Variants in RAP1A observed in about 807,000 individuals in gnomAD.
RAP1A encodes ras-related protein Rap-1A.
In RAP1A, 6 loss-of-function variants were observed where a neutral mutation model predicts 26.4. The observed-to-expected ratio is 0.23, with a 90% confidence interval of 0.12 to 0.45. RAP1A has a LOEUF of 0.45. Among genes scored for constraint, RAP1A ranks in the 20% least tolerant of loss-of-function variants. RAP1A has a pLI of 0.99. For missense variants in RAP1A, 121 were observed against 217.2 expected (o/e 0.56, Z 2.78); for synonymous variants, 73 against 79.4 (o/e 0.92, Z 0.43).
chr1:111,595,534 A>G (rs952753424), intron 1 of RAP1A, among the ~76,000 whole-genome samples: 13 of 152,244 alleles, frequency 8.5e-5, no homozygotes, highest in Admixed American at 2.6e-4. Context: ...GGGATAACAC[A>G]TGGCAAAGCT....
In RAP1A at chr1:111,588,029, T is replaced by C. The variant is rs1363593169; in HGVS notation, c.-28+45520T>C. Among the ~76,000 whole-genome samples, 7 of 152,190 alleles carry C rather than the reference T, an allele frequency of 4.6e-5. No individual in the cohort carries two copies. In the East Asian group the frequency reaches 1.2e-3, roughly 25 times the overall value. The stretch of plus-strand genomic sequence containing the variant: ...CAGCTTCTGCATATGACCCACAGCC[T>C]CAAATCTCTACGCCCAACTGAAACT... On this transcript the variant is annotated intron_variant, in intron 1 of 7. Transcript: ENST00000356415.
At chr1:111,563,609 A>G (rs1657833238) in intron 1 of RAP1A, among the ~76,000 whole-genome samples, 1 of 152,188 alleles carries the variant, frequency 6.6e-6, no homozygotes, top group Non-Finnish European at 1.5e-5. Context: ...ATGCCTCCAG[A>G]GCTAATAACT....
At chr1:111,561,281 G>A (rs1297116649) in intron 1 of RAP1A, among the ~76,000 whole-genome samples, 2 of 152,076 alleles carry the variant, frequency 1.3e-5, no homozygotes, top group South Asian at 2.1e-4. Flanking sequence ...ACACCACCAC[G>A]CCTGGCTAAT....
intron 1 of RAP1A, chr1:111,648,516 C>T (rs879100970): frequency 7.2e-6 from 4 of 558,520 alleles, no homozygotes; most frequent in South Asian, 3.1e-5. Flanking sequence ...CTGGCGTTGC[C>T]CCTCTGCCCG....
intron 1 of RAP1A, among the ~76,000 whole-genome samples, chr1:111,652,324 A>G (rs1327441324): frequency 6.6e-6 from 1 of 152,212 alleles, no homozygotes; most frequent in Admixed American, 6.5e-5. Context: ...CTCTATGTGG[A>G]AATACAAAAT....
At chr1:111,579,498 A>G (rs1298594707) in intron 1 of RAP1A, among the ~76,000 whole-genome samples, 2 of 152,120 alleles carry the variant, frequency 1.3e-5, no homozygotes, top group Admixed American at 6.5e-5. Context: ...TGTAACACTG[A>G]GGTTTGCTGC....
At chr1:111,678,387 T>A (rs554131035) in intron 1 of RAP1A, among the ~76,000 whole-genome samples, 11 of 152,368 alleles carry the variant, frequency 7.2e-5, no homozygotes, top group South Asian at 2.1e-4. Flanking sequence ...GCATTTTTTT[T>A]AATTTCAATT....
At chr1:111,596,386 T>C (rs6677933) in intron 1 of RAP1A, among the ~76,000 whole-genome samples, 30,610 of 152,124 alleles carry the variant, frequency 0.2, 3,205 homozygotes, top group African/African-American at 0.23. Context: ...TGGGACATAG[T>C]ATGGTTGATG....
chr1:111,546,983 A>T (rs1657056841), intron 1 of RAP1A, among the ~76,000 whole-genome samples: 2 of 152,196 alleles, frequency 1.3e-5, no homozygotes, highest in Non-Finnish European at 1.5e-5. Flanking sequence ...CATCCTAAGG[A>T]GTGTAAAGTG....
rs1281243810 is a variant in RAP1A, at chr1:111,626,048, T to G, written c.-28+6114T>G. ...GAGATGTGAAGGTGTAGTTTCTGCT[T>G]AAAGGAATTTATAGTCTAGCAGTTT... On this transcript the variant is annotated intron_variant, in intron 1 of 7. Transcript: ENST00000369709. Among the ~76,000 whole-genome samples the G allele has an allele frequency of 2.6e-5, 4 of 152,346 alleles. No homozygotes were observed. In the East Asian group the frequency reaches 5.8e-4, roughly 22 times the overall value.
At chr1:111,549,837 G>A (rs1301476022) in intron 1 of RAP1A, among the ~76,000 whole-genome samples, 2 of 152,008 alleles carry the variant, frequency 1.3e-5, no homozygotes, top group African/African-American at 4.8e-5. Flanking sequence ...TTTTTTTGTA[G>A]AGACAGGGTG....
intron 1 of RAP1A, among the ~76,000 whole-genome samples, chr1:111,637,489 CAA>C (rs1294554209): frequency 6.6e-6 from 1 of 152,104 alleles, no homozygotes; most frequent in Non-Finnish European, 1.5e-5. Context: ...TTTTGCCCCT[CAA>C]GAGCCAATTT....
intron 1 of RAP1A, among the ~76,000 whole-genome samples, chr1:111,622,983 G>C (rs1480482579): frequency 6.6e-6 from 1 of 152,030 alleles, no homozygotes; most frequent in East Asian, 1.9e-4. Flanking sequence ...TTTCATGTTG[G>C]TAATTGTTTT....
intron 1 of RAP1A, among the ~76,000 whole-genome samples, chr1:111,603,950 C>T (rs1035003181): frequency 7.2e-5 from 11 of 152,184 alleles, no homozygotes; most frequent in African/African-American, 2.2e-4. Flanking sequence ...TGCTCCTGGG[C>T]CACTTACTCT....
chr1:111,608,269 C>T (rs1265932380), intron 1 of RAP1A: 1 of 144,224 alleles, frequency 6.9e-6, no homozygotes. Flanking sequence ...GGCGGGGCGG[C>T]GGGGCAGAGG....
chr1:111,671,727 G>A (rs533508353), intron 1 of RAP1A, among the ~76,000 whole-genome samples: 17 of 152,328 alleles, frequency 1.1e-4, no homozygotes, highest in African/African-American at 3.8e-4. Context: ...ACCCGCCTTG[G>A]CCTCCCAAAG....
At chr1:111,591,087 T>C (rs549029227) in intron 1 of RAP1A, among the ~76,000 whole-genome samples, 2 of 152,194 alleles carry the variant, frequency 1.3e-5, no homozygotes, top group Non-Finnish European at 2.9e-5. Context: ...AGTTTTCTAA[T>C]TAGATTTTCT....
intron 1 of RAP1A, among the ~76,000 whole-genome samples, chr1:111,594,256 C>T (rs1388034914): frequency 2.6e-5 from 4 of 152,068 alleles, no homozygotes; most frequent in Non-Finnish European, 4.4e-5. Context: ...ACAACTATAG[C>T]CCCTGCAAAG....
rs1402008395 is a variant in RAP1A at position 111,704,423 on chromosome 1, A to G, written c.405A>G (p.Ala135=). 1 of 1,613,966 alleles carries G rather than the reference A, an allele frequency of 6.2e-7. No individual in the cohort carries two copies. Among genetic ancestry groups the G allele is most frequent in the East Asian group, 2.2e-5 (1 of 44,862 alleles). ...GCAAAGAGCAGGGCCAGAATTTAGCAAGACAGTGGTGTAACTGTGCCTTTT... is the reference window on the plus strand; with the variant it reads ...GCAAAGAGCAGGGCCAGAATTTAGCGAGACAGTGGTGTAACTGTGCCTTTT... The part of the protein sequence containing the change: ...VVGKEQGQNL[A]RQWCNCAFLE... Residue 135 remains alanine, a synonymous_variant, in exon 6 of 8, where the codon GCA becomes GCG. Coordinates refer to ENST00000369709, the MANE Select transcript of RAP1A (RefSeq NM_002884.4).
Sources: allele counts gnomAD v4.1 joint callset (sites outside exome capture counted in the v4.1 genomes callset), GRCh38; gene constraint gnomAD v4.1.1; transcripts MANE v1.5; gene names NCBI Gene and HGNC (gene_info 2026-07-23, HGNC 2026-07-21).